RASGRF2: variants seen among roughly 807,000 people sequenced by gnomAD.
RASGRF2 encodes the protein Ras protein specific guanine nucleotide releasing factor 2, also known as ras-specific guanine nucleotide-releasing factor 2.
Under a neutral mutation model 151.0 loss-of-function variants are expected in RASGRF2, and 76 were observed. The observed-to-expected ratio is 0.50, with a 90% CI of 0.42 to 0.61. The LOEUF is 0.61. RASGRF2 is among the 20% of genes least tolerant of loss of function. The pLI is 0.00. For synonymous variants in RASGRF2, 504 were observed against 566.5 expected (o/e 0.89, Z 1.57); for missense variants, 1,148 against 1,564.6 (o/e 0.73, Z 4.49).
chr5:81,215,875 G>T lies in RASGRF2; in HGVS notation c.3355-1G>T. 1 of 1,526,326 alleles carries T rather than the reference G, an allele frequency of 6.6e-7. No homozygotes were observed. The highest frequency in any genetic ancestry group is 8.7e-7 in the Non-Finnish European group (1 of 1,147,494). 94.5% of individuals were successfully genotyped at this position (1,526,326 alleles called of 1,614,324 possible). On this transcript the variant is annotated splice_acceptor_variant, in intron 23 of 26. Transcript: ENST00000265080. LOFTEE classifies it high-confidence loss of function. ...CACTAAGTTTTTTCTTTTCTTTTTA[G>T]ACAAAAGCTCTAATGGACAAACTTC...
chr5:81,212,575 C>T lies in RASGRF2; in HGVS notation c.3354+12C>T, dbSNP rs745655332. The T allele has an allele frequency of 2.4e-5, 38 of 1,597,196 alleles. No individual in the cohort carries two copies. Among genetic ancestry groups the T allele is most frequent in the African/African-American group, 8.1e-5 (6 of 74,454 alleles). ...AGGTCTCTAAGCAGGTGAGCCTCAG[C>T]GTGTGACACAGCCTGCTGCTAAGAG... On this transcript the variant is annotated intron_variant, in intron 23 of 26. Coordinates refer to ENST00000265080, the MANE Select transcript of RASGRF2 (RefSeq NM_006909.3).
At chr5:81,092,766 A>C (rs749958512) in intron 9 of RASGRF2, 35 bp from the exon 10 acceptor site, 1 of 1,580,910 alleles carries the variant, frequency 6.3e-7, no homozygotes. Flanking sequence ...ACAGAATTTT[A>C]ATTGCTGTGT....
intron 2 of RASGRF2, among the ~76,000 whole-genome samples, chr5:81,061,060 G>T (rs568045222): frequency 5.1e-4 from 76 of 148,408 alleles, no homozygotes; most frequent in African/African-American, 1.8e-3. Flanking sequence ...TTTTTTTTCT[G>T]TTTATTTATC....
chr5:81,219,814 A>T, intron 26 of RASGRF2, 36 bp downstream of exon 26: 1 of 1,490,174 alleles, frequency 6.7e-7, no homozygotes, highest in East Asian at 2.3e-5. Flanking sequence ...TTAATAAAGA[A>T]AAAAGGGGAA....
intron 1 of RASGRF2, among the ~76,000 whole-genome samples, chr5:80,980,732 G>A (rs902797843): frequency 2.0e-5 from 3 of 152,212 alleles, no homozygotes; most frequent in African/African-American, 7.2e-5. Flanking sequence ...CACCCTTTGT[G>A]AATTGTAATA....
intron 13 of RASGRF2, among the ~76,000 whole-genome samples, chr5:81,111,256 A>G (rs537731160): frequency 5.8e-4 from 89 of 152,300 alleles, no homozygotes; most frequent in Non-Finnish European, 1.1e-3. Context: ...GACTTCATTG[A>G]TCGCCGGTCC....
At chr5:81,129,795 G>C (rs1219378772) in intron 17 of RASGRF2, among the ~76,000 whole-genome samples, 1 of 152,142 alleles carries the variant, frequency 6.6e-6, no homozygotes, top group Non-Finnish European at 1.5e-5. Context: ...TCGCTAGTCT[G>C]CCTTTGGAAA....
At chr5:81,014,432 G>A (rs892100711) in intron 1 of RASGRF2, among the ~76,000 whole-genome samples, 7 of 152,172 alleles carry the variant, frequency 4.6e-5, no homozygotes, top group African/African-American at 7.2e-5. Flanking sequence ...GCAGAAGAAT[G>A]CCTCCTTTTA....
chr5:81,112,787 C>T lies in RASGRF2; in HGVS notation c.2016C>T (p.Phe672=), dbSNP rs1379004581. The T allele has an allele frequency of 6.2e-7, 1 of 1,614,234 alleles. No homozygotes were observed. Among genetic ancestry groups the T allele is most frequent in the Admixed American group, 1.7e-5 (1 of 60,036 alleles). Residue 672 remains phenylalanine, a synonymous_variant, in exon 14 of 27, where the codon TTC becomes TTT. Transcript: ENST00000265080. The stretch of plus-strand genomic sequence containing the variant: ...CCTTTCTGCACACCTATCGTATTTT[C>T]ACTACTGCCGCTGTGGTGCTGGGGA... ...LNTFLHTYRI[F]TTAAVVLGKL...
intron 1 of RASGRF2, among the ~76,000 whole-genome samples, chr5:81,031,031 CA>C (rs746969347): frequency 6.6e-6 from 1 of 152,046 alleles, no homozygotes; most frequent in Non-Finnish European, 1.5e-5. Context: ...TTTAAATCAA[CA>C]AAGATCAAAA....
chr5:81,175,755 CAAAAAAAA>C (rs33931356), intron 17 of RASGRF2, among the ~76,000 whole-genome samples: 3 of 99,538 alleles, frequency 3.0e-5, no homozygotes, highest in East Asian at 5.9e-4. Flanking sequence ...AACTCCGTCT[CAAAAAAAA>C]AAAAAAAAAA....
chr5:81,057,426 A>T (rs542928927), intron 2 of RASGRF2, among the ~76,000 whole-genome samples: 1 of 152,202 alleles, frequency 6.6e-6, no homozygotes, highest in Non-Finnish European at 1.5e-5. Flanking sequence ...CTTCTATAAG[A>T]TAACTAAGGT....
chr5:80,999,354 T>C (rs531881630), intron 1 of RASGRF2, among the ~76,000 whole-genome samples: 16 of 152,234 alleles, frequency 1.1e-4, no homozygotes, highest in Middle Eastern at 3.4e-3. Context: ...TTTTTTGTTT[T>C]TAGAGACAGG....
intron 26 of RASGRF2, among the ~76,000 whole-genome samples, chr5:81,224,615 C>A (rs925854961): frequency 1.3e-5 from 2 of 152,104 alleles, no homozygotes; most frequent in African/African-American, 4.8e-5. Flanking sequence ...AAATAATAGC[C>A]CCTATTTGGG....
At chr5:81,109,208 C>G (rs181026045) in intron 13 of RASGRF2, 130 bp downstream of exon 13, 1 of 1,400,608 alleles carries the variant, frequency 7.1e-7, no homozygotes, top group East Asian at 2.5e-5. Flanking sequence ...GACAGGAATG[C>G]AGTGATTCAT....
At chr5:80,992,606 C>T (rs1748691545) in intron 1 of RASGRF2, among the ~76,000 whole-genome samples, 1 of 152,178 alleles carries the variant, frequency 6.6e-6, no homozygotes, top group South Asian at 2.1e-4. Context: ...TAAAAGTTCT[C>T]ATTCCAATTT....
chr5:81,107,697 T>TGTTTTTGTA (rs1331507029), intron 12 of RASGRF2, among the ~76,000 whole-genome samples: 1 of 152,248 alleles, frequency 6.6e-6, no homozygotes, highest in East Asian at 1.9e-4. Flanking sequence ...TTATTATATG[T>TGTTTTTGTA]GTTTTTGTAA....
intron 2 of RASGRF2, among the ~76,000 whole-genome samples, chr5:81,056,550 A>C (rs879571541): frequency 2.1e-4 from 32 of 152,144 alleles, no homozygotes; most frequent in Non-Finnish European, 4.3e-4. Context: ...ACTTCCAACT[A>C]TGTGGTCAGT....
At chr5:81,190,933 G>A (rs577754903) in intron 18 of RASGRF2, among the ~76,000 whole-genome samples, 1 of 148,462 alleles carries the variant, frequency 6.7e-6, no homozygotes, top group Non-Finnish European at 1.5e-5. Flanking sequence ...TATGTACTTC[G>A]ATAGCTTCTT....
Sources: gnomAD v4.1 joint callset for allele counts (sites outside exome capture counted in the v4.1 genomes callset) on GRCh38, gnomAD v4.1.1 for gene constraint, MANE v1.5 for transcripts, NCBI Gene and HGNC (gene_info 2026-07-23, HGNC 2026-07-21) for gene names.